AP1S3: variants seen among roughly 807,000 people sequenced by gnomAD.
AP1S3 encodes AP-1 complex subunit sigma-3.
A neutral mutation model predicts 20.9 loss-of-function variants in AP1S3; 10 were observed. The observed-to-expected ratio is 0.48, with a 90% CI of 0.29 to 0.81. The LOEUF (loss-of-function observed/expected upper bound fraction) is 0.81, where lower values mean the gene tolerates loss of function less well. AP1S3 is among the 30% of genes least tolerant of loss of function. AP1S3 has a pLI of 0.08. For synonymous variants in AP1S3, 41 were observed against 61.5 expected (o/e 0.67, Z 1.56); for missense variants, 154 against 183.8 (o/e 0.84, Z 0.94).
Position 223,806,376 on chromosome 2 carries a change from C to T in AP1S3, c.4-28507G>A, listed in dbSNP as rs965963752. 6.6e-5 allele frequency among the ~76,000 whole-genome samples: 10 copies of T among 150,382 alleles called. No homozygotes were observed. The Middle Eastern group carries it at 0.01, about 158-fold the overall frequency. ...TCAGCTCACTGCAAGCTCCGCCTCC[C>T]GGGTTCACACCATTCTCCTGCCTCA... On this transcript the variant is annotated intron_variant, in intron 1 of 4. Transcript: ENST00000396654.
chr2:223,790,145 C>T (rs1691180705), intron 1 of AP1S3, among the ~76,000 whole-genome samples: 1 of 151,866 alleles, frequency 6.6e-6, no homozygotes, highest in Admixed American at 6.6e-5. Context: ...GACAAGATGT[C>T]TACATCCAGC....
chr2:223,795,108 G>T (rs1691304752), intron 1 of AP1S3, among the ~76,000 whole-genome samples: 2 of 152,284 alleles, frequency 1.3e-5, no homozygotes, highest in Admixed American at 6.5e-5. Context: ...AATTAGCCGG[G>T]CGTGGTGGCA....
intron 1 of AP1S3, among the ~76,000 whole-genome samples, chr2:223,779,912 A>G (rs1690881052): frequency 6.6e-6 from 1 of 152,122 alleles, no homozygotes; most frequent in Non-Finnish European, 1.5e-5. Flanking sequence ...GGTTGCAGTG[A>G]GCCAAGATTG....
chr2:223,831,805 G>A (rs191836482), intron 1 of AP1S3, among the ~76,000 whole-genome samples: 5 of 152,126 alleles, frequency 3.3e-5, no homozygotes, highest in Admixed American at 6.5e-5. Context: ...GGCCGGGCAC[G>A]GTGGCTCATG....
Position 223,757,846 on chromosome 2 carries a change from T to C in AP1S3, c.*869A>G. 1 of 985,248 alleles carries C rather than the reference T, an allele frequency of 1.0e-6. No individual in the cohort carries two copies. The highest frequency in any genetic ancestry group is 1.2e-6 in the Non-Finnish European group (1 of 829,800). 61.0% of individuals were successfully genotyped at this position (985,248 alleles called of 1,614,324 possible). Reference sequence around the variant, plus strand: ...GAGATACATTAAAACATATTTGAAATGAAATTTCCAGCATCTAAGAGTGCT... The same window carrying C: ...GAGATACATTAAAACATATTTGAAACGAAATTTCCAGCATCTAAGAGTGCT... On this transcript the variant is annotated 3_prime_UTR_variant, in exon 5 of 5. Coordinates refer to ENST00000396654, the MANE Select transcript of AP1S3 (RefSeq NM_001039569.2).
chr2:223,801,225 T>A (rs191431839), intron 1 of AP1S3, among the ~76,000 whole-genome samples: 3 of 152,300 alleles, frequency 2.0e-5, no homozygotes, highest in African/African-American at 7.2e-5. Flanking sequence ...CTATTATTAT[T>A]CCCACTTGAT....
At position 223,772,392 on chromosome 2, in the gene AP1S3, CA is replaced by C. The variant is rs1690653619; in HGVS notation, c.291+3508del. Among the ~76,000 whole-genome samples the C allele has an allele frequency of 2.0e-5, 3 of 152,138 alleles. No individual in the cohort carries two copies. In the South Asian group the frequency reaches 6.2e-4, roughly 32 times the overall value. On this transcript the variant is annotated intron_variant, in intron 3 of 4. Transcript: ENST00000396654. ...GTGCTCTTCCCCTGACAGCAAAAAACAAACAAACAAAAAACTCCCTACATCA... is the reference window on the plus strand; with the variant it reads ...GTGCTCTTCCCCTGACAGCAAAAAACAACAAACAAAAAACTCCCTACATCA...
Position 223,775,989 on chromosome 2 carries a change from C to T in AP1S3, c.203G>A (p.Cys68Tyr). Reference protein sequence around the residue: ...VYKRYASLYFCCAIENQDNEL... With the variant: ...VYKRYASLYFYCAIENQDNEL... Reference sequence around the variant, plus strand: ...ATTGTCCTGATTTTCTATTGCACAGCAAAAATATAAACTAGCATACCTTGA... The same window carrying T: ...ATTGTCCTGATTTTCTATTGCACAGTAAAAATATAAACTAGCATACCTTGA... Residue 68 changes from cysteine to tyrosine, a missense_variant, in exon 3 of 5, where the codon TGC becomes TAC. Cys to Tyr is a radical substitution (Grantham distance 194). Transcript: ENST00000396654. The T allele has an allele frequency of 6.2e-7, 1 of 1,613,734 alleles. No homozygotes were observed. The highest frequency in any genetic ancestry group is 1.1e-5 in the South Asian group (1 of 91,024).
intron 1 of AP1S3, among the ~76,000 whole-genome samples, chr2:223,836,193 G>C (rs1016581614): frequency 3.3e-5 from 5 of 152,092 alleles, no homozygotes; most frequent in African/African-American, 1.2e-4. Flanking sequence ...CAGGGTGCAG[G>C]TCACTTCCCT....
intron 1 of AP1S3, among the ~76,000 whole-genome samples, chr2:223,814,852 C>T (rs1691809509): frequency 6.6e-6 from 1 of 152,218 alleles, no homozygotes; most frequent in African/African-American, 2.4e-5. Flanking sequence ...TCACAGCTCA[C>T]TGCAGCCTCA....
intron 1 of AP1S3, among the ~76,000 whole-genome samples, chr2:223,826,144 T>C (rs1263583507): frequency 6.6e-6 from 1 of 152,218 alleles, no homozygotes; most frequent in African/African-American, 2.4e-5. Context: ...TTTAATTTTT[T>C]CCTATAGTAA....
intron 1 of AP1S3, among the ~76,000 whole-genome samples, chr2:223,788,308 T>G (rs565892198): frequency 6.6e-6 from 1 of 151,888 alleles, no homozygotes; most frequent in African/African-American, 2.4e-5. Context: ...TTACATCATT[T>G]TCGCCCTTAA....
intron 1 of AP1S3, among the ~76,000 whole-genome samples, chr2:223,785,780 A>G (rs1430619857): frequency 2.0e-5 from 3 of 152,216 alleles, no homozygotes; most frequent in Admixed American, 6.5e-5. Flanking sequence ...GGTGGAGGAC[A>G]GAGGATTTTA....
At position 223,756,497 on chromosome 2, in the gene AP1S3, A is replaced by G. The variant is rs1374973342; in HGVS notation, c.*2218T>C. 1.0e-6 allele frequency: 1 copy of G among 978,160 alleles called. No homozygotes were observed. The highest frequency in any genetic ancestry group is 1.8e-5 in the African/African-American group (1 of 57,074). The allele number at this position is 978,160 out of a possible 1,614,324, so 60.6% of individuals were successfully genotyped here. A position where few individuals can be genotyped will look rare whatever the true frequency, so the allele number is the denominator to read the frequency against. On this transcript the variant is annotated 3_prime_UTR_variant, in exon 5 of 5. Coordinates refer to ENST00000396654, the MANE Select transcript of AP1S3 (RefSeq NM_001039569.2). ...AAGAAAGAAAGAAAAAAAGAAAGAA[A>G]AAATTCTAACACATTAAAAAGTTAA... is the stretch of plus-strand genomic sequence containing the variant.
At chr2:223,822,669 A>G (rs1692018455) in intron 1 of AP1S3, among the ~76,000 whole-genome samples, 1 of 152,126 alleles carries the variant, frequency 6.6e-6, no homozygotes, top group South Asian at 2.1e-4. Flanking sequence ...GGGCAATAAG[A>G]GCAAAACTCC....
At chr2:223,764,496 G>T (rs1690431771) in intron 4 of AP1S3, among the ~76,000 whole-genome samples, 1 of 152,072 alleles carries the variant, frequency 6.6e-6, no homozygotes, top group Non-Finnish European at 1.5e-5. Context: ...GCTTCTAAAA[G>T]AACATTCCCA....
chr2:223,756,314 G>A lies in AP1S3; in HGVS notation c.*2401C>T, dbSNP rs1292736808. ...ATCACACCATTGCACTCTGGCCTGG[G>A]TGACAAGAAGCGAGGAAAGAAAAGA... is the stretch of plus-strand genomic sequence containing the variant. On this transcript the variant is annotated 3_prime_UTR_variant, in exon 5 of 5. Transcript: ENST00000396654. Among the ~76,000 whole-genome samples, 1 of 150,302 alleles carries A rather than the reference G, an allele frequency of 6.7e-6. No homozygotes were observed. Among genetic ancestry groups the A allele is most frequent in the Non-Finnish European group, 1.5e-5 (1 of 67,724 alleles).
chr2:223,775,808 T>C, intron 3 of AP1S3, 93 bp downstream of exon 3: 1 of 906,950 alleles, frequency 1.1e-6, no homozygotes, highest in Non-Finnish European at 1.7e-6. Flanking sequence ...ATTTTAGATG[T>C]GACAGAGAGA....
intron 3 of AP1S3, among the ~76,000 whole-genome samples, chr2:223,769,869 C>T (rs1183572087): frequency 1.3e-5 from 2 of 151,246 alleles, no homozygotes; most frequent in African/African-American, 2.4e-5. Context: ...CTCAGCCTCC[C>T]GAGTAGCTGG....
Sources: allele counts gnomAD v4.1 joint callset (sites outside exome capture counted in the v4.1 genomes callset), GRCh38; gene constraint gnomAD v4.1.1; transcripts MANE v1.5; gene names NCBI Gene and HGNC (gene_info 2026-07-23, HGNC 2026-07-21).